The following PTPRE variants were observed in gnomAD, a reference collection of about 807,000 sequenced individuals.
PTPRE encodes protein tyrosine phosphatase receptor type E.
Under a neutral mutation model 102.0 loss-of-function variants are expected in PTPRE, and 51 were observed. The ratio of observed to expected loss-of-function variants is 0.50; its 90% CI spans 0.40 to 0.63. The LOEUF (loss-of-function observed/expected upper bound fraction) is 0.63. Among genes scored for constraint, PTPRE ranks in the 30% least tolerant of loss-of-function variants. The pLI is 0.00. For synonymous variants in PTPRE, 345 were observed against 348.2 expected, an observed-to-expected ratio of 0.99 and a Z score of 0.10; for missense variants, 752 against 915.1, an observed-to-expected ratio of 0.82 and a Z score of 2.30.
chr10:127,949,444 C>A (rs1369761173), intron 1 of PTPRE, among the ~76,000 whole-genome samples: 1 of 152,138 alleles, frequency 6.6e-6, no homozygotes, highest in Admixed American at 6.5e-5. Flanking sequence ...GCTGGAGACT[C>A]TACTTCTAAT....
intron 1 of PTPRE, among the ~76,000 whole-genome samples, chr10:127,915,636 A>T (rs191130062): frequency 2.6e-5 from 4 of 152,344 alleles, no homozygotes; most frequent in Admixed American, 1.3e-4. Flanking sequence ...CAGAAATTTA[A>T]TAATTTTGTA....
intron 1 of PTPRE, among the ~76,000 whole-genome samples, chr10:127,930,061 C>CAAAAAAAAA (rs941241176): frequency 1.4e-5 from 1 of 72,872 alleles, no homozygotes; most frequent in Non-Finnish European, 2.8e-5. Context: ...GATTCCATCT[C>CAAAAAAAAA]AAAAAAAAAA....
intron 6 of PTPRE, among the ~76,000 whole-genome samples, chr10:128,053,055 C>G (rs1848675318): frequency 6.6e-6 from 1 of 152,142 alleles, no homozygotes; most frequent in Non-Finnish European, 1.5e-5. Flanking sequence ...TCCAGACCAG[C>G]CTGTCCAACA....
chr10:128,052,862 C>T (rs922944633), intron 6 of PTPRE, among the ~76,000 whole-genome samples: 1 of 152,198 alleles, frequency 6.6e-6, no homozygotes, highest in Non-Finnish European at 1.5e-5. Context: ...TCTTGCAGAA[C>T]TGCCCACACC....
chr10:127,907,251 C>T lies in PTPRE; in HGVS notation c.-89C>T, dbSNP rs912605051. 1.0e-6 allele frequency: 1 copy of T among 984,590 alleles called. No individual in the cohort carries two copies. 61.0% of individuals were successfully genotyped at this position (984,590 alleles called of 1,614,324 possible). On this transcript the variant is annotated 5_prime_UTR_variant, in exon 1 of 21. Transcript: ENST00000254667. This position sits in a 1 kb window ranked among gnomAD's most constrained non-coding sequence, Gnocchi z 4.8. ...CCCCGGAGGGCGGCGGGCAGGCGCC[C>T]GGGAGATGCGGAGCCTCCGCTGCAG...
chr10:128,026,321 G>A (rs1302430633), intron 2 of PTPRE, among the ~76,000 whole-genome samples: 3 of 152,246 alleles, frequency 2.0e-5, no homozygotes, highest in Non-Finnish European at 4.4e-5. Flanking sequence ...AGGGTCTGGC[G>A]AGAGGCCCCC....
At chr10:128,080,639 G>T (rs1367630460) in intron 20 of PTPRE, among the ~76,000 whole-genome samples, 1 of 152,174 alleles carries the variant, frequency 6.6e-6, no homozygotes, top group East Asian at 1.9e-4. Context: ...CTGTCATCCA[G>T]GTGTCCTCCC....
intron 1 of PTPRE, among the ~76,000 whole-genome samples, chr10:127,964,557 G>A (rs1305085841): frequency 7.0e-6 from 1 of 142,802 alleles, no homozygotes; most frequent in Non-Finnish European, 1.5e-5. Context: ...GAAGTTCTTA[G>A]TTCCATTTTT....
At chr10:128,029,495 C>T (rs931460818) in intron 2 of PTPRE, among the ~76,000 whole-genome samples, 3 of 152,260 alleles carry the variant, frequency 2.0e-5, no homozygotes, top group East Asian at 1.9e-4. Context: ...TCCCTGACCT[C>T]GGCTACAGCA....
intron 2 of PTPRE, among the ~76,000 whole-genome samples, chr10:128,005,070 G>T (rs1387005073): frequency 2.0e-5 from 3 of 152,168 alleles, no homozygotes; most frequent in African/African-American, 7.2e-5. Flanking sequence ...TCCTTGGCCT[G>T]TTTTTTGGGT....
At chr10:128,077,885 A>G (rs1301176519) in intron 19 of PTPRE, 102 bp downstream of exon 19, 1 of 1,355,640 alleles carries the variant, frequency 7.4e-7, no homozygotes, top group Non-Finnish European at 9.9e-7. Context: ...GCCCCTGGCC[A>G]TGGTATTCCC....
At position 128,069,745 on chromosome 10, in the gene PTPRE, T is replaced by C; in HGVS notation, c.1061T>C (p.Met354Thr). 6.2e-7 allele frequency: 1 copy of C among 1,614,166 alleles called. No homozygotes were observed. Among genetic ancestry groups the C allele is most frequent in the East Asian group, 2.2e-5 (1 of 44,860 alleles). The change falls in exon 13 of 21, where the codon ATG (methionine) becomes ACG (threonine). Residue 354 changes from methionine (M) to threonine (T), a missense_variant. This residue lies in a region of PTPRE where 636 missense variants were observed against 824.4 expected (regional missense o/e 0.77). Coordinates refer to ENST00000254667, the MANE Select transcript of PTPRE (RefSeq NM_006504.6). ...TFIVIDAMMA[M>T]MHAEQKVDVF... ...ATTGTGATCGATGCCATGATGGCCATGATGCACGCGGAGCAGAAGGTGGAT... is the reference window on the plus strand; with the variant it reads ...ATTGTGATCGATGCCATGATGGCCACGATGCACGCGGAGCAGAAGGTGGAT...
intron 2 of PTPRE, among the ~76,000 whole-genome samples, chr10:127,984,480 G>A (rs945970363): frequency 7.9e-5 from 12 of 152,110 alleles, no homozygotes; most frequent in East Asian, 1.9e-4. Flanking sequence ...CTCTTGACAC[G>A]AGGAAAGGGT....
chr10:127,953,991 G>C (rs139847968), intron 1 of PTPRE, among the ~76,000 whole-genome samples: 32 of 152,362 alleles, frequency 2.1e-4, no homozygotes, highest in African/African-American at 6.3e-4. Flanking sequence ...ATTTGAGGAA[G>C]AGGTATGTGG....
At position 127,970,323 on chromosome 10, in the gene PTPRE, CT is replaced by C. The variant is rs567163381; in HGVS notation, c.-30-11947del. ...CAATCCAATGGAAGGACGGTAAGGT[CT>C]TTTCAGTGTAAGCACAGCTTTGCGG... On this transcript the variant is annotated intron_variant, in intron 1 of 20. Coordinates refer to ENST00000254667, the MANE Select transcript of PTPRE (RefSeq NM_006504.6). 2.8e-4 allele frequency among the ~76,000 whole-genome samples: 43 copies of C among 152,300 alleles called. No homozygotes were observed. The South Asian group carries it at 7.1e-3, about 25-fold the overall frequency.
intron 2 of PTPRE, among the ~76,000 whole-genome samples, chr10:127,996,873 C>T (rs1193740696): frequency 6.6e-6 from 1 of 152,180 alleles, no homozygotes; most frequent in African/African-American, 2.4e-5. Context: ...TTGGAGGCCC[C>T]ACAACATTCT....
intron 2 of PTPRE, among the ~76,000 whole-genome samples, chr10:128,009,770 A>G (rs904482273): frequency 3.3e-5 from 5 of 152,250 alleles, no homozygotes; most frequent in Admixed American, 3.3e-4. Flanking sequence ...TTGTTTAAAT[A>G]TCACCAATGA....
intron 1 of PTPRE, among the ~76,000 whole-genome samples, chr10:127,939,637 C>T (rs933174259): frequency 6.6e-5 from 10 of 152,182 alleles, no homozygotes; most frequent in Non-Finnish European, 1.5e-4. Context: ...TGCTCTTCCA[C>T]ATGGTCAGGA....
rs1385059873 is a variant in PTPRE at position 128,070,334 on chromosome 10, G to A, written c.1177G>A (p.Glu393Lys). The change falls in exon 14 of 21, where the codon GAG becomes AAG. Residue 393 changes from glutamate (E) to lysine (K), a missense_variant. Physicochemically the swap from Glu to Lys is moderately conservative, Grantham distance 56. This residue lies in a region of PTPRE where 636 missense variants were observed against 824.4 expected (regional missense o/e 0.77). Coordinates refer to ENST00000254667, the MANE Select transcript of PTPRE (RefSeq NM_006504.6). The surrounding 1 kb of genome is among the most constrained non-coding windows in gnomAD (Gnocchi z 4.8). ...QYTFIYQALL[E>K]YYLYGDTELD... Reference sequence around the variant, plus strand: ...CACGTTCATCTACCAAGCCTTACTCGAGTACTACCTCTACGGGGACACAGA... The same window carrying A: ...CACGTTCATCTACCAAGCCTTACTCAAGTACTACCTCTACGGGGACACAGA... The A allele has an allele frequency of 1.2e-6, 2 of 1,613,900 alleles. No homozygotes were observed. Among genetic ancestry groups the A allele is most frequent in the Non-Finnish European group, 1.7e-6 (2 of 1,179,936 alleles).
Sources: allele counts gnomAD v4.1 joint callset (sites outside exome capture counted in the v4.1 genomes callset), GRCh38; gene constraint gnomAD v4.1.1; regional missense constraint gnomAD v4.1.1; non-coding constraint Gnocchi (gnomAD v3.1); transcripts MANE v1.5; gene names NCBI Gene and HGNC (gene_info 2026-07-23, HGNC 2026-07-21).